NTM: variants seen among roughly 807,000 people sequenced by gnomAD.
NTM encodes neurotrimin, also known as IgLON family member 2.
A neutral mutation model predicts 42.1 loss-of-function variants in NTM; 13 were observed. The observed-to-expected ratio is 0.31, with a 90% CI of 0.20 to 0.49. The LOEUF (loss-of-function observed/expected upper bound fraction) is 0.49, where lower values mean the gene tolerates loss of function less well. Among genes scored for constraint, NTM ranks in the 20% least tolerant of loss-of-function variants. NTM has a pLI of 0.99. For synonymous variants in NTM, 187 were observed against 179.2 expected, an observed-to-expected ratio of 1.04 and a Z score of -0.35; for missense variants, 373 against 452.8, an observed-to-expected ratio of 0.82 and a Z score of 1.60.
intron 1 of NTM, among the ~76,000 whole-genome samples, chr11:131,875,256 G>C (rs959605837): frequency 6.6e-6 from 1 of 151,432 alleles, no homozygotes; most frequent in African/African-American, 2.4e-5. Context: ...AACATTTTAC[G>C]TAGAGAAAGT....
chr11:131,621,078 G>A (rs1047217335), intron 1 of NTM, among the ~76,000 whole-genome samples: 4 of 152,174 alleles, frequency 2.6e-5, no homozygotes, highest in Non-Finnish European at 4.4e-5. Context: ...TGTGAGAGCA[G>A]GAAGAGAATT....
intron 1 of NTM, among the ~76,000 whole-genome samples, chr11:131,727,952 A>G (rs1364157573): frequency 1.3e-5 from 2 of 152,196 alleles, no homozygotes; most frequent in African/African-American, 4.8e-5. Flanking sequence ...GCATGAGAGC[A>G]GGGCCAGCTT....
chr11:131,976,389 A>C (rs574320731), intron 2 of NTM, among the ~76,000 whole-genome samples: 1 of 152,282 alleles, frequency 6.6e-6, no homozygotes, highest in East Asian at 1.9e-4. Context: ...GACTGCTGTC[A>C]CTTGACTCTT....
At chr11:131,778,057 A>G (rs1209337827) in intron 1 of NTM, among the ~76,000 whole-genome samples, 2 of 152,252 alleles carry the variant, frequency 1.3e-5, no homozygotes, top group African/African-American at 2.4e-5. Flanking sequence ...TAAGACTGTC[A>G]TTACATCAAC....
At chr11:131,469,955 C>A (rs1453459206) in intron 1 of NTM, among the ~76,000 whole-genome samples, 1 of 152,154 alleles carries the variant, frequency 6.6e-6, no homozygotes, top group African/African-American at 2.4e-5. Context: ...TGAATCTGGT[C>A]TGCATTTACA....
chr11:131,962,566 C>T (rs2062336230), intron 2 of NTM, among the ~76,000 whole-genome samples: 1 of 152,208 alleles, frequency 6.6e-6, no homozygotes, highest in Non-Finnish European at 1.5e-5. Context: ...TCCAGATCTG[C>T]TGGCATCTGG....
chr11:131,783,562 T>TG (rs773231896), intron 1 of NTM, among the ~76,000 whole-genome samples: 1 of 152,188 alleles, frequency 6.6e-6, no homozygotes, highest in Admixed American at 6.5e-5. Flanking sequence ...TTTCAATGTA[T>TG]GGTGCTCAAA....
At chr11:132,209,040 G>T (rs2082422133) in intron 3 of NTM, among the ~76,000 whole-genome samples, 1 of 152,106 alleles carries the variant, frequency 6.6e-6, no homozygotes, top group African/African-American at 2.4e-5. Context: ...GTTGGGGGGT[G>T]GGGGAAGGAG....
chr11:132,011,656 A>G (rs2072229236), intron 2 of NTM, among the ~76,000 whole-genome samples: 1 of 152,208 alleles, frequency 6.6e-6, no homozygotes, highest in South Asian at 2.1e-4. Context: ...CACATTTTAA[A>G]GTTGAGAAAA....
chr11:132,088,470 G>A (rs1157723338), intron 2 of NTM, among the ~76,000 whole-genome samples: 2 of 152,124 alleles, frequency 1.3e-5, no homozygotes, highest in Non-Finnish European at 2.9e-5. Flanking sequence ...ACACTGAAAG[G>A]TGAGGAGGGC....
chr11:132,307,259 CAATT>C (rs1263058608), intron 4 of NTM, among the ~76,000 whole-genome samples: 1 of 152,126 alleles, frequency 6.6e-6, no homozygotes, highest in Non-Finnish European at 1.5e-5. Context: ...GTGGCATTTT[CAATT>C]AATTTATGCT....
chr11:132,097,426 C>T (rs1001626217), intron 2 of NTM, among the ~76,000 whole-genome samples: 6 of 152,180 alleles, frequency 3.9e-5, no homozygotes, highest in Non-Finnish European at 8.8e-5. Context: ...CAGGATGCTC[C>T]TGGGTGCTGA....
intron 4 of NTM, among the ~76,000 whole-genome samples, chr11:132,219,166 G>C (rs2084566042): frequency 6.6e-6 from 1 of 151,962 alleles, no homozygotes; most frequent in African/African-American, 2.4e-5. Flanking sequence ...TTTGGTTTGA[G>C]TTCTGCCCTT....
intron 2 of NTM, among the ~76,000 whole-genome samples, chr11:132,036,630 C>G (rs1396165257): frequency 7.9e-5 from 12 of 152,174 alleles, no homozygotes; most frequent in Non-Finnish European, 1.6e-4. Context: ...GCCCCCTCCA[C>G]TCTAACTCAT....
At chr11:131,784,227 T>C (rs1435962926) in intron 1 of NTM, among the ~76,000 whole-genome samples, 4 of 152,328 alleles carry the variant, frequency 2.6e-5, no homozygotes, top group African/African-American at 9.6e-5. Flanking sequence ...GAAAATAATT[T>C]GGTGGTTTCT....
chr11:131,696,401 T>G (rs1405502242), intron 1 of NTM, among the ~76,000 whole-genome samples: 1 of 152,174 alleles, frequency 6.6e-6, no homozygotes, highest in Non-Finnish European at 1.5e-5. Flanking sequence ...CACCATTACT[T>G]ACTAGGCTCC....
chr11:131,741,772 T>C (rs1178326786), intron 1 of NTM, among the ~76,000 whole-genome samples: 1 of 152,218 alleles, frequency 6.6e-6, no homozygotes, highest in Non-Finnish European at 1.5e-5. Flanking sequence ...TCATGCTTCC[T>C]TCGATAGCTC....
chr11:131,869,590 C>T (rs2137061888), intron 1 of NTM, among the ~76,000 whole-genome samples: 1 of 152,326 alleles, frequency 6.6e-6, no homozygotes, highest in South Asian at 2.1e-4. Flanking sequence ...CTTCCAACTG[C>T]TATTTCTAAA....
chr11:131,579,859 A>G (rs2058248081), intron 1 of NTM, among the ~76,000 whole-genome samples: 1 of 152,178 alleles, frequency 6.6e-6, no homozygotes, highest in South Asian at 2.1e-4. Flanking sequence ...ATGGCATTCT[A>G]TATTTCTATA....
Sources: gnomAD v4.1 joint callset for allele counts (sites outside exome capture counted in the v4.1 genomes callset) on GRCh38, gnomAD v4.1.1 for gene constraint, MANE v1.5 for transcripts, NCBI Gene and HGNC (gene_info 2026-07-23, HGNC 2026-07-21) for gene names.